The following SPMIP7 variants were observed in gnomAD, a reference collection of about 807,000 sequenced individuals.
The protein encoded by SPMIP7 is sperm microtubule inner protein 7, also known as protein SPMIP7.
the SPMIP7 span, chr7:50,134,095 A>C: frequency 5.2e-6 from 8 of 1,527,016 alleles, no homozygotes; most frequent in Non-Finnish European, 7.0e-6. Context: ...GTTCCTATTT[A>C]ATAACTTCAT....
chr7:50,096,190 CTT>C, the SPMIP7 span: 1 of 1,551,730 alleles, frequency 6.4e-7, no homozygotes, highest in East Asian at 2.4e-5. Flanking sequence ...ATTGTGATCT[CTT>C]AAGAAAAATG....
the SPMIP7 span, among the ~76,000 whole-genome samples, chr7:50,145,587 CGTGT>C: frequency 2.0e-3 from 56 of 28,422 alleles, 4 homozygotes; most frequent in African/African-American, 3.9e-3. Flanking sequence ...TATATATGTG[CGTGT>C]GTGTGTGTGT....
At chr7:50,158,256 C>A in the SPMIP7 span, among the ~76,000 whole-genome samples, 45 of 151,544 alleles carry the variant, frequency 3.0e-4, no homozygotes, top group African/African-American at 1.1e-3. Flanking sequence ...TCCCTCCCAC[C>A]CCCCATGTCT....
the SPMIP7 span, among the ~76,000 whole-genome samples, chr7:50,154,775 A>T: frequency 6.6e-6 from 1 of 152,130 alleles, no homozygotes; most frequent in African/African-American, 2.4e-5. Flanking sequence ...TTCTTTAGGA[A>T]ACTCCATACT....
the SPMIP7 span, among the ~76,000 whole-genome samples, chr7:50,148,957 C>A: frequency 6.6e-6 from 1 of 152,104 alleles, no homozygotes; most frequent in Non-Finnish European, 1.5e-5. Context: ...CCAGCCTGAC[C>A]AACAGGGTGA....
chr7:50,145,622 A>ATATATG, the SPMIP7 span, among the ~76,000 whole-genome samples: 1 of 58,408 alleles, frequency 1.7e-5, no homozygotes, highest in African/African-American at 8.3e-5. Context: ...GTGTGTGTAT[A>ATATATG]TATATATATA....
the SPMIP7 span, among the ~76,000 whole-genome samples, chr7:50,151,999 A>T: frequency 6.6e-6 from 1 of 152,212 alleles, no homozygotes; most frequent in South Asian, 2.1e-4. Context: ...TTTATAAAAG[A>T]AAAAATTCTG....
chr7:50,147,368 T>C, the SPMIP7 span, among the ~76,000 whole-genome samples: 1 of 152,212 alleles, frequency 6.6e-6, no homozygotes, highest in South Asian at 2.1e-4. Flanking sequence ...ACTTGCCAGC[T>C]TGGTTGGTGC....
chr7:50,151,655 A>T, the SPMIP7 span: 1 of 794,696 alleles, frequency 1.3e-6, no homozygotes, highest in East Asian at 2.9e-5. Context: ...TAGTAAAAGC[A>T]AATTTACATT....
At chr7:50,141,347 C>A in the SPMIP7 span, 1 of 1,551,788 alleles carries the variant, frequency 6.4e-7, no homozygotes, top group Non-Finnish European at 8.7e-7. Flanking sequence ...CATCGCTAGC[C>A]AAGCAGCGGT....
At chr7:50,116,056 A>G in the SPMIP7 span, among the ~76,000 whole-genome samples, 1 of 152,206 alleles carries the variant, frequency 6.6e-6, no homozygotes, top group Non-Finnish European at 1.5e-5. Flanking sequence ...ATTCTTGTCA[A>G]TATGATTATG....
chr7:50,113,042 T>A, the SPMIP7 span, among the ~76,000 whole-genome samples: 2 of 151,826 alleles, frequency 1.3e-5, no homozygotes, highest in African/African-American at 4.8e-5. Flanking sequence ...ACAGGGAACG[T>A]TTTATGTCCC....
At chr7:50,158,168 A>C in the SPMIP7 span, among the ~76,000 whole-genome samples, 24 of 129,202 alleles carry the variant, frequency 1.9e-4, no homozygotes, top group African/African-American at 6.6e-4. Context: ...ACCCCCACCC[A>C]TGTCTTCTCC....
At chr7:50,102,467 A>G in the SPMIP7 span, among the ~76,000 whole-genome samples, 3 of 152,204 alleles carry the variant, frequency 2.0e-5, no homozygotes, top group Admixed American at 1.3e-4. Flanking sequence ...ATGCACTGTC[A>G]GCCAGGGACT....
At chr7:50,114,099 A>T in the SPMIP7 span, among the ~76,000 whole-genome samples, 1 of 152,130 alleles carries the variant, frequency 6.6e-6, no homozygotes, top group African/African-American at 2.4e-5. Context: ...AAATAGAAAC[A>T]TTTTTTGTAA....
At chr7:50,137,802 A>G in the SPMIP7 span, among the ~76,000 whole-genome samples, 1 of 152,124 alleles carries the variant, frequency 6.6e-6, no homozygotes, top group African/African-American at 2.4e-5. Context: ...GAATTTTCAC[A>G]TCTGTAACTT....
chr7:50,153,680 C>A, the SPMIP7 span, among the ~76,000 whole-genome samples: 1 of 152,180 alleles, frequency 6.6e-6, no homozygotes, highest in Non-Finnish European at 1.5e-5. Flanking sequence ...GAGGCACACA[C>A]AAGCTGCCTG....
chr7:50,101,851 C>CT, the SPMIP7 span, among the ~76,000 whole-genome samples: 1 of 152,174 alleles, frequency 6.6e-6, no homozygotes, highest in Non-Finnish European at 1.5e-5. Context: ...TTCAGCATTC[C>CT]TTTCCTCCCT....
At chr7:50,136,195 T>G in the SPMIP7 span, 4 of 1,450,658 alleles carry the variant, frequency 2.8e-6, no homozygotes, top group Non-Finnish European at 3.8e-6. Flanking sequence ...GTTCTCACAC[T>G]AGGTTTCTCA....
Sources: gnomAD v4.1 joint callset for allele counts (sites outside exome capture counted in the v4.1 genomes callset) on GRCh38, gnomAD v4.1.1 for gene constraint, MANE v1.5 for transcripts, NCBI Gene and HGNC (gene_info 2026-07-23, HGNC 2026-07-21) for gene names.